MEIS2: variants seen among roughly 807,000 people sequenced by gnomAD.
MEIS2 encodes the protein Meis homeobox 2.
In MEIS2, 9 loss-of-function variants were observed where a neutral mutation model predicts 58.6. The ratio of observed to expected loss-of-function variants is 0.15; its 90% CI spans 0.09 to 0.27. The LOEUF is 0.27. Ranked by LOEUF, MEIS2 falls within the 10% of genes least tolerant of loss-of-function variation. The probability of loss-of-function intolerance (pLI) is 1.00; values close to 1 mark genes in which losing one functional copy is unlikely to be tolerated. For missense variants in MEIS2, 427 were observed against 635.0 expected (o/e 0.67, Z 3.52); for synonymous variants, 221 against 228.4 (o/e 0.97, Z 0.29).
intron 8 of MEIS2, among the ~76,000 whole-genome samples, chr15:37,023,324 G>T (rs2030592): frequency 0.42 from 64,170 of 151,950 alleles, 15,700 homozygotes; most frequent in Admixed American, 0.55. Flanking sequence ...TATTTGGGTT[G>T]ATTTGTGAAT....
intron 9 of MEIS2, among the ~76,000 whole-genome samples, chr15:36,903,458 G>A (rs564242913): frequency 6.6e-6 from 1 of 152,266 alleles, no homozygotes; most frequent in South Asian, 2.1e-4. Flanking sequence ...AAGTCAACTA[G>A]AAACTGAATT....
chr15:37,095,747 T>C, intron 3 of MEIS2, 133 bp from the exon 4 acceptor site: 1 of 1,296,310 alleles, frequency 7.7e-7, no homozygotes, highest in Non-Finnish European at 1.1e-6. Flanking sequence ...AGAAAGAAAC[T>C]GGTGCCTTAA....
chr15:36,920,253 G>C (rs1210908922), intron 9 of MEIS2, among the ~76,000 whole-genome samples: 1 of 151,990 alleles, frequency 6.6e-6, no homozygotes, highest in Admixed American at 6.6e-5. Flanking sequence ...GGGTTCAAGC[G>C]ATTCTCCTGC....
Position 36,889,389 on chromosome 15 carries a change from A to G in MEIS2, c.*2784T>C, listed in dbSNP as rs1261613118. On this transcript the variant is annotated 3_prime_UTR_variant, in exon 12 of 12. Transcript: ENST00000561208. ...GAGCAAGTGCCTTCCGGGGTGGTGT[A>G]AAAAAAGCATTATAAAAATTGGACA... The G allele has an allele frequency of 3.3e-5, 5 of 152,092 alleles. No homozygotes were observed. Among genetic ancestry groups the G allele is most frequent in the Non-Finnish European group, 7.4e-5 (5 of 68,008 alleles). The allele number at this position is 152,092 out of a possible 1,614,324, so 9.4% of individuals were successfully genotyped here. A position where few individuals can be genotyped will look rare whatever the true frequency, so the allele number is the denominator to read the frequency against.
At chr15:36,995,869 G>T (rs1220671878) in intron 8 of MEIS2, among the ~76,000 whole-genome samples, 2 of 146,448 alleles carry the variant, frequency 1.4e-5, no homozygotes, top group Non-Finnish European at 3.0e-5. Context: ...TGTTCGACTT[G>T]AATCTTTGTA....
chr15:36,938,773 T>C (rs1253880963), intron 9 of MEIS2, among the ~76,000 whole-genome samples: 3 of 152,098 alleles, frequency 2.0e-5, no homozygotes, highest in Admixed American at 6.5e-5. Flanking sequence ...AATCACCCAG[T>C]CCCCATTCTC....
intron 7 of MEIS2, among the ~76,000 whole-genome samples, chr15:37,039,281 C>T (rs2062308891): frequency 6.6e-6 from 1 of 152,176 alleles, no homozygotes; most frequent in South Asian, 2.1e-4. Flanking sequence ...AATAACTCTT[C>T]CTTCAGTGTC....
chr15:37,094,621 TGA>T, intron 4 of MEIS2, 44 bp from the exon 5 acceptor site: 1 of 1,575,156 alleles, frequency 6.3e-7, no homozygotes, highest in South Asian at 1.1e-5. Context: ...TCTGTGACTC[TGA>T]GGTCCTGTCT....
At chr15:36,925,491 A>AT (rs11318257) in intron 9 of MEIS2, among the ~76,000 whole-genome samples, 50 of 151,588 alleles carry the variant, frequency 3.3e-4, no homozygotes, top group Non-Finnish European at 4.7e-4. Context: ...ATATTTTTTC[A>AT]TTTTTTTTTA....
intron 8 of MEIS2, among the ~76,000 whole-genome samples, chr15:36,988,320 G>A (rs2141540079): frequency 6.6e-6 from 1 of 152,176 alleles, no homozygotes; most frequent in Non-Finnish European, 1.5e-5. Flanking sequence ...TCTTTTTTGA[G>A]GGGAGGAAAC....
chr15:37,049,615 T>C (rs2062824236), intron 7 of MEIS2, among the ~76,000 whole-genome samples: 1 of 151,834 alleles, frequency 6.6e-6, no homozygotes, highest in Admixed American at 6.6e-5. Context: ...GCCTCCCGAG[T>C]AGCTGGGACT....
upstream of MEIS2, chr15:37,101,167 G>T (rs963858796): frequency 6.6e-6 from 1 of 152,124 alleles, no homozygotes; most frequent in Non-Finnish European, 1.5e-5. Flanking sequence ...AGGACCAGAA[G>T]AGACCAGCTT....
At chr15:36,980,242 T>C (rs1228083301) in intron 8 of MEIS2, among the ~76,000 whole-genome samples, 5 of 152,148 alleles carry the variant, frequency 3.3e-5, no homozygotes, top group Non-Finnish European at 5.9e-5. Context: ...ATACAGAAAA[T>C]TTAACTTTTT....
At chr15:37,078,605 CAAAAAAAAAAAAAA>C (rs540405090) in intron 7 of MEIS2, among the ~76,000 whole-genome samples, 1 of 69,412 alleles carries the variant, frequency 1.4e-5, no homozygotes, top group Non-Finnish European at 2.6e-5. Context: ...AAAAAACAAC[CAAAAAAAAAAAAAA>C]AAAAAAAAAA....
In MEIS2 at chr15:36,932,845, G is replaced by A. The variant is rs116689247; in HGVS notation, c.977+17479C>T. On this transcript the variant is annotated intron_variant, in intron 9 of 11. Transcript: ENST00000561208. ...TGAGTGGTATGTTGAAGGTGGCTCCGAGTAGCCAAAAAGTGATGGACAAAG... is the reference window on the plus strand; with the variant it reads ...TGAGTGGTATGTTGAAGGTGGCTCCAAGTAGCCAAAAAGTGATGGACAAAG... Among the ~76,000 whole-genome samples the A allele has an allele frequency of 9.6e-3, 1,457 of 152,292 alleles. 18 individuals carry two copies. Among genetic ancestry groups the A allele is most frequent in the African/African-American group, 0.034 (1,395 of 41,564 alleles).
At chr15:37,063,368 G>A (rs887040834) in intron 7 of MEIS2, among the ~76,000 whole-genome samples, 1 of 152,120 alleles carries the variant, frequency 6.6e-6, no homozygotes, top group Non-Finnish European at 1.5e-5. Flanking sequence ...TTTTCTTGCA[G>A]ACAGGGTGTG....
chr15:37,013,402 C>A (rs968229767), intron 8 of MEIS2, among the ~76,000 whole-genome samples: 2 of 151,874 alleles, frequency 1.3e-5, no homozygotes, highest in African/African-American at 2.4e-5. Context: ...GAAACCCCGT[C>A]TCTACTAAAC....
chr15:37,030,704 G>A (rs573289679), intron 8 of MEIS2, among the ~76,000 whole-genome samples: 163 of 151,996 alleles, frequency 1.1e-3, no homozygotes, highest in African/African-American at 3.8e-3. Flanking sequence ...CCAGCCTGGA[G>A]TACAGTGCCG....
In MEIS2 at chr15:37,043,680, CTTTTTTTTT is replaced by C. The variant is rs35502089; in HGVS notation, c.755-6730_755-6722del. Among the ~76,000 whole-genome samples, 1,075 of 112,978 alleles carry C rather than the reference CTTTTTTTTT, an allele frequency of 9.5e-3. 8 individuals are homozygous for C. The highest frequency in any genetic ancestry group is 0.014 in the Non-Finnish European group (787 of 57,374). 74.1% of individuals were successfully genotyped at this position (112,978 alleles called of 152,430 possible). On this transcript the variant is annotated intron_variant, in intron 7 of 11. Coordinates refer to ENST00000561208, the MANE Select transcript of MEIS2 (RefSeq NM_170675.5). ...TCTATCTCTAGAACACCGTCCCCTCCTTTTTTTTTTTTTTTTTTTTTTGAGATGGAGTCC... is the reference window on the plus strand; with the variant it reads ...TCTATCTCTAGAACACCGTCCCCTCCTTTTTTTTTTTTTGAGATGGAGTCC...
Sources: allele counts gnomAD v4.1 joint callset (sites outside exome capture counted in the v4.1 genomes callset), GRCh38; gene constraint gnomAD v4.1.1; transcripts MANE v1.5; gene names NCBI Gene and HGNC (gene_info 2026-07-23, HGNC 2026-07-21).